ZNF681: variants seen among roughly 807,000 people sequenced by gnomAD.
ZNF681 encodes hypothetical protein FLJ31526.
ZNF681 carries 37 observed loss-of-function variants against 56.0 expected under a neutral mutation model. The observed-to-expected ratio is 0.66, with a 90% CI of 0.51 to 0.87. The LOEUF (loss-of-function observed/expected upper bound fraction) is 0.87, where lower values mean the gene tolerates loss of function less well. ZNF681 is among the 40% of genes least tolerant of loss of function. The pLI is 0.00. For missense variants in ZNF681, 741 were observed against 744.9 expected, an observed-to-expected ratio of 0.99 and a Z score of 0.06; for synonymous variants, 225 against 248.6, an observed-to-expected ratio of 0.91 and a Z score of 0.89.
intron 3 of ZNF681, among the ~76,000 whole-genome samples, chr19:23,752,676 C>T (rs1209034952): frequency 6.6e-6 from 1 of 152,156 alleles, no homozygotes; most frequent in Admixed American, 6.5e-5. Context: ...GACCCAGCAG[C>T]CTTATGACCA....
intron 3 of ZNF681, among the ~76,000 whole-genome samples, chr19:23,754,382 G>A (rs1969082311): frequency 6.6e-6 from 1 of 152,144 alleles, no homozygotes; most frequent in African/African-American, 2.4e-5. Flanking sequence ...AGAAAAACTC[G>A]GCAGGGTGGC....
Position 23,754,894 on chromosome 19 carries a change from A to G in ZNF681, c.155T>C (p.Leu52Pro). ...FLGIVVSKPD[L>P]ITCLEQEKEP... ...TTTTTCTTGTTCCAGACAGGTGATCAGGTCTGGCTTAGAGACAACAATACC... is the reference window on the plus strand; with the variant it reads ...TTTTTCTTGTTCCAGACAGGTGATCGGGTCTGGCTTAGAGACAACAATACC... Residue 52 changes from leucine to proline, a missense_variant, in exon 3 of 4, where the codon CTG (leucine) becomes CCG (proline). Leu to Pro is a moderately conservative substitution (Grantham distance 98, BLOSUM62 -3). Coordinates refer to ENST00000402377, the MANE Select transcript of ZNF681 (RefSeq NM_138286.3). The G allele has an allele frequency of 6.2e-7, 1 of 1,613,994 alleles. No individual in the cohort carries two copies. The highest frequency in any genetic ancestry group is 8.5e-7 in the Non-Finnish European group (1 of 1,179,964).
intron 3 of ZNF681, 115 bp from the exon 4 acceptor site, chr19:23,745,438 C>A: frequency 1.3e-5 from 10 of 778,532 alleles, no homozygotes; most frequent in Non-Finnish European, 1.8e-5. Flanking sequence ...AGCAAAATAC[C>A]AAAGGCCCTA....
At chr19:23,745,779 T>G (rs1387845853) in intron 3 of ZNF681, among the ~76,000 whole-genome samples, 1 of 152,112 alleles carries the variant, frequency 6.6e-6, no homozygotes, top group African/African-American at 2.4e-5. Flanking sequence ...AATAGAAATA[T>G]AAATGTAACA....
rs1294448330 is a variant in ZNF681, at chr19:23,739,680, A to C, written c.*3932T>G. ...GACTGGCCACTCTGTGAACACAGTA[A>C]ACAAGTTTGCACGCAAAATAATAGA... On this transcript the variant is annotated 3_prime_UTR_variant, in exon 4 of 4. Coordinates refer to ENST00000402377, the MANE Select transcript of ZNF681 (RefSeq NM_138286.3). 1 of 152,184 alleles carries C rather than the reference A, an allele frequency of 6.6e-6. No individual in the cohort carries two copies. Among genetic ancestry groups the C allele is most frequent in the African/African-American group, 2.4e-5 (1 of 41,454 alleles). 9.4% of individuals were successfully genotyped at this position (152,184 alleles called of 1,614,324 possible).
Position 23,744,408 on chromosome 19 carries a change from A to C in ZNF681, c.1142T>G (p.Leu381Arg). 6.2e-7 allele frequency: 1 copy of C among 1,612,862 alleles called. No homozygotes were observed. Residue 381 changes from leucine to arginine, a missense_variant, in exon 4 of 4, where the codon CTT becomes CGT. Coordinates refer to ENST00000402377, the MANE Select transcript of ZNF681 (RefSeq NM_138286.3). ...AGTATGAATTATCTTATGTGTAGTA[A>C]GGTGTGAGGACTGCCTAAAGGCTTT... is the stretch of plus-strand genomic sequence containing the variant. ...CGKAFRQSSH[L>R]TTHKIIHTGE...
At position 23,754,858 on chromosome 19, in the gene ZNF681, G is replaced by T. The variant is rs1379666613; in HGVS notation, c.191C>A (p.Thr64Asn). The T allele has an allele frequency of 6.2e-7, 1 of 1,613,924 alleles. No individual in the cohort carries two copies. The highest frequency in any genetic ancestry group is 8.5e-7 in the Non-Finnish European group (1 of 1,180,006). The change falls in exon 3 of 4, where the codon ACT (threonine) becomes AAT (asparagine). Residue 64 changes from threonine to asparagine, a missense_variant. Transcript: ENST00000402377. ...TCLEQEKEPW[T>N]RKRHRMVAEP... Reference sequence around the variant, plus strand: ...GGCCACCATCCTATGTCTCTTTCTAGTCCAAGGCTCTTTTTCTTGTTCCAG... The same window carrying T: ...GGCCACCATCCTATGTCTCTTTCTATTCCAAGGCTCTTTTTCTTGTTCCAG...
intron 3 of ZNF681, among the ~76,000 whole-genome samples, chr19:23,754,211 CA>C (rs1969079470): frequency 6.6e-6 from 1 of 151,384 alleles, no homozygotes; most frequent in Admixed American, 6.6e-5. Flanking sequence ...GTGTGTCCCC[CA>C]AAACAATGGA....
rs1968850229 is a variant in ZNF681, at chr19:23,739,270, G to C, written c.*4342C>G. On this transcript the variant is annotated 3_prime_UTR_variant, in exon 4 of 4. Coordinates refer to ENST00000402377, the MANE Select transcript of ZNF681 (RefSeq NM_138286.3). The stretch of plus-strand genomic sequence containing the variant: ...AAATTATTTCACTTACATGATTCTA[G>C]AAAAATTAATCTAACTGAAGTGGAG... The C allele has an allele frequency of 6.6e-6, 1 of 151,964 alleles. No individual in the cohort carries two copies. Among genetic ancestry groups the C allele is most frequent in the Admixed American group, 6.6e-5 (1 of 15,242 alleles). The allele number at this position is 151,964 out of a possible 1,614,324, so 9.4% of individuals were successfully genotyped here. A position where few individuals can be genotyped will look rare whatever the true frequency, so the allele number is the denominator to read the frequency against.
chr19:23,755,293 C>T (rs1400649968), intron 2 of ZNF681, 132 bp downstream of exon 2: 30 of 1,215,842 alleles, frequency 2.5e-5, no homozygotes, highest in East Asian at 1.0e-4. Context: ...GAGATGAATC[C>T]CTAAGATTTT....
Position 23,744,920 on chromosome 19 carries a change from G to T in ZNF681, c.630C>A (p.Ser210=). 6.2e-7 allele frequency: 1 copy of T among 1,605,434 alleles called. No homozygotes were observed. Among genetic ancestry groups the T allele is most frequent in the Non-Finnish European group, 8.5e-7 (1 of 1,176,860 alleles). Reference sequence around the variant, plus strand: ...TTCTTTTATGTTTAGTAAAGATTGAGGATCCATTAAAGGCTTTTCCACAGT... The same window carrying T: ...TTCTTTTATGTTTAGTAAAGATTGATGATCCATTAAAGGCTTTTCCACAGT... ...CEDCGKAFNG[S]SIFTKHKRIH... Residue 210 remains serine (S), a synonymous_variant, in exon 4 of 4, where the codon TCC becomes TCA. Coordinates refer to ENST00000402377, the MANE Select transcript of ZNF681 (RefSeq NM_138286.3).
In ZNF681 at chr19:23,749,175, G is replaced by A. The variant is rs1047873259; in HGVS notation, c.227-3852C>T. On this transcript the variant is annotated intron_variant, in intron 3 of 3. Transcript: ENST00000402377. ...ATTATTCAGCCTTAAAAAAAATCTT[G>A]TCACACTTTAAGACAAACTTCGAGA... Among the ~76,000 whole-genome samples, 3 of 152,010 alleles carry A rather than the reference G, an allele frequency of 2.0e-5. No individual in the cohort carries two copies. The South Asian group carries it at 6.2e-4, about 32-fold the overall frequency.
intron 3 of ZNF681, among the ~76,000 whole-genome samples, chr19:23,754,444 A>T (rs2144853057): frequency 6.6e-6 from 1 of 152,258 alleles, no homozygotes; most frequent in South Asian, 2.1e-4. Flanking sequence ...CGGGCAGATC[A>T]CCTGAGGTTA....
intron 3 of ZNF681, among the ~76,000 whole-genome samples, chr19:23,752,680 A>G (rs7251719): frequency 0.98 from 148,999 of 152,276 alleles, 72,991 homozygotes; most frequent in Middle Eastern, 1. Flanking sequence ...CAGCAGCCTT[A>G]TGACCAAGCT....
chr19:23,744,732 G>T lies in ZNF681; in HGVS notation c.818C>A (p.Thr273Lys), dbSNP rs149525271. ...FNLSSHITTHTIIHTGENPYK... is the reference protein window; with the variant it reads ...FNLSSHITTHKIIHTGENPYK... ...GGGATTCTCTCCAGTATGAATTATT[G>T]TATGTGTTGTAATGTGTGACGACAG... Residue 273 changes from threonine (T) to lysine (K), a missense_variant, in exon 4 of 4, where the codon ACA becomes AAA. Transcript: ENST00000402377. 3.7e-6 allele frequency: 6 copies of T among 1,613,488 alleles called. No individual in the cohort carries two copies. The African/African-American group carries it at 4.0e-5, about 11-fold the overall frequency.
chr19:23,751,392 C>T (rs2144848616), intron 3 of ZNF681, among the ~76,000 whole-genome samples: 1 of 145,642 alleles, frequency 6.9e-6, no homozygotes, highest in African/African-American at 2.5e-5. Flanking sequence ...AGCAGAATTG[C>T]TTGAACTCTG....
intron 1 of ZNF681, 82 bp from the exon 2 acceptor site, chr19:23,755,633 A>C: frequency 7.4e-7 from 1 of 1,355,286 alleles, no homozygotes; most frequent in East Asian, 2.7e-5. Flanking sequence ...GAAAGAATTT[A>C]TAATTTGATT....
intron 3 of ZNF681, among the ~76,000 whole-genome samples, chr19:23,748,261 C>T (rs546530677): frequency 2.6e-4 from 40 of 152,156 alleles, no homozygotes; most frequent in African/African-American, 5.1e-4. Flanking sequence ...GCTAAAGGCC[C>T]GAGGGTCATG....
In ZNF681 at chr19:23,739,314, A is replaced by G. The variant is rs1278271355; in HGVS notation, c.*4298T>C. 6.6e-6 allele frequency: 1 copy of G among 152,174 alleles called. No individual in the cohort carries two copies. Among genetic ancestry groups the G allele is most frequent in the Non-Finnish European group, 1.5e-5 (1 of 68,042 alleles). The allele number at this position is 152,174 out of a possible 1,614,324, so 9.4% of individuals were successfully genotyped here. ...AGTGGAGAATAAAATGGTGACCACC[A>G]GATGCCAACATATTTGGAAAAAAGA... is the stretch of plus-strand genomic sequence containing the variant. On this transcript the variant is annotated 3_prime_UTR_variant, in exon 4 of 4. Coordinates refer to ENST00000402377, the MANE Select transcript of ZNF681 (RefSeq NM_138286.3).
Sources: allele counts gnomAD v4.1 joint callset (sites outside exome capture counted in the v4.1 genomes callset), GRCh38; gene constraint gnomAD v4.1.1; transcripts MANE v1.5; gene names NCBI Gene and HGNC (gene_info 2026-07-23, HGNC 2026-07-21).